Variants in FRMD5 observed in about 807,000 individuals in gnomAD.
The protein encoded by FRMD5 is FERM domain-containing protein 5.
FRMD5 carries 20 observed loss-of-function variants against 69.0 expected under a neutral mutation model. That is an observed-to-expected ratio of 0.29 (90% CI 0.20 to 0.42). FRMD5 has a LOEUF of 0.42. Ranked by LOEUF, FRMD5 falls within the 10% of genes least tolerant of loss-of-function variation. The pLI, the probability that FRMD5 is intolerant of heterozygous loss-of-function variation, is 1.00. For missense variants in FRMD5, 595 were observed against 708.6 expected (o/e 0.84, Z 1.82); for synonymous variants, 271 against 260.1 (o/e 1.04, Z -0.40).
At chr15:43,913,217 G>T (rs974025114) in intron 4 of FRMD5, among the ~76,000 whole-genome samples, 2 of 152,170 alleles carry the variant, frequency 1.3e-5, no homozygotes, top group African/African-American at 2.4e-5. Flanking sequence ...TCCACTGCTG[G>T]GCAGGGTTCC....
chr15:44,122,576 A>T (rs2076968827), intron 1 of FRMD5, among the ~76,000 whole-genome samples: 1 of 151,678 alleles, frequency 6.6e-6, no homozygotes, highest in South Asian at 2.1e-4. Context: ...CTCAAACAAA[A>T]CAAAACAAAA....
At position 44,195,246 on chromosome 15, in the gene FRMD5, C is replaced by A. The variant is rs952019329; in HGVS notation, c.-192G>T. Reference sequence around the variant, plus strand: ...TTCCCTCAGCCGCCACCGCCTCCCCCCAGCCCAGATCAAGCGCCGGGCTCT... The same window carrying A: ...TTCCCTCAGCCGCCACCGCCTCCCCACAGCCCAGATCAAGCGCCGGGCTCT... On this transcript the variant is annotated 5_prime_UTR_variant, in exon 1 of 14. Transcript: ENST00000417257. The A allele has an allele frequency of 1.3e-5, 7 of 538,598 alleles. No homozygotes were observed. Among genetic ancestry groups the A allele is most frequent in the African/African-American group, 2.0e-5 (1 of 49,050 alleles). The allele number at this position is 538,598 out of a possible 1,614,324, so 33.4% of individuals were successfully genotyped here.
At chr15:44,055,400 G>A (rs1411107075) in intron 1 of FRMD5, among the ~76,000 whole-genome samples, 6 of 151,964 alleles carry the variant, frequency 3.9e-5, no homozygotes, top group African/African-American at 1.5e-4. Context: ...ATGTTTTTAC[G>A]ACAAAAGCAA....
intron 1 of FRMD5, among the ~76,000 whole-genome samples, chr15:44,062,145 A>C (rs1287861591): frequency 6.6e-6 from 1 of 152,220 alleles, no homozygotes; most frequent in Admixed American, 6.5e-5. Context: ...TTCCTGATGT[A>C]AATAAAGACT....
chr15:44,038,929 T>A (rs903616729), intron 1 of FRMD5, among the ~76,000 whole-genome samples: 2 of 152,126 alleles, frequency 1.3e-5, no homozygotes, highest in Non-Finnish European at 2.9e-5. Context: ...CAAGCTAAGA[T>A]CCACTGGCTT....
intron 1 of FRMD5, among the ~76,000 whole-genome samples, chr15:44,042,646 T>A (rs1892251305): frequency 6.6e-6 from 1 of 152,218 alleles, no homozygotes; most frequent in Non-Finnish European, 1.5e-5. Flanking sequence ...ATAAACGTAA[T>A]CCATCACATA....
At chr15:44,081,590 T>C (rs1893998084) in intron 1 of FRMD5, among the ~76,000 whole-genome samples, 1 of 152,080 alleles carries the variant, frequency 6.6e-6, no homozygotes, top group African/African-American at 2.4e-5. Context: ...TGAGATCCTA[T>C]GGGATTCTTT....
intron 1 of FRMD5, among the ~76,000 whole-genome samples, chr15:44,184,905 G>A (rs2078073315): frequency 2.6e-5 from 4 of 152,140 alleles, no homozygotes; most frequent in Non-Finnish European, 2.9e-5. Flanking sequence ...CAGCAAGATA[G>A]TATATCATTA....
intron 1 of FRMD5, chr15:44,063,392 A>G (rs771229919): frequency 1.1e-5 from 2 of 182,266 alleles, no homozygotes; most frequent in Non-Finnish European, 2.3e-5. Flanking sequence ...AAAACAGTCT[A>G]AAGTCCACCA....
Position 44,095,053 on chromosome 15 carries a change from T to C in FRMD5, c.102+99900A>G, listed in dbSNP as rs2076531394. Among the ~76,000 whole-genome samples, 3 of 151,774 alleles carry C rather than the reference T, an allele frequency of 2.0e-5. 1 individual carries two copies. In the South Asian group the frequency reaches 6.2e-4, roughly 32 times the overall value. On this transcript the variant is annotated intron_variant, in intron 1 of 13. Coordinates refer to ENST00000417257, the MANE Select transcript of FRMD5 (RefSeq NM_032892.5). ...ATTAATATAATCTAGCAGCAGAGTA[T>C]TTCTCAAAATTACCCAAGCATAAGA...
chr15:44,099,302 A>G lies in FRMD5; in HGVS notation c.102+95651T>C, dbSNP rs575088314. 2.6e-5 allele frequency among the ~76,000 whole-genome samples: 4 copies of G among 152,288 alleles called. No individual in the cohort carries two copies. In the South Asian group the frequency reaches 8.3e-4, roughly 32 times the overall value. On this transcript the variant is annotated intron_variant, in intron 1 of 13. Transcript: ENST00000417257. The stretch of plus-strand genomic sequence containing the variant: ...GTTAAAATACAGATTCTGATTCAGT[A>G]GGTCTAGAGTGGGGCCTGAGATTAT...
intron 1 of FRMD5, among the ~76,000 whole-genome samples, chr15:43,942,494 A>G (rs1479096493): frequency 6.6e-6 from 1 of 152,202 alleles, no homozygotes; most frequent in African/African-American, 2.4e-5. Flanking sequence ...GCTTTAGAAA[A>G]CAGATTTTGT....
chr15:44,100,892 T>C (rs1013140027), intron 1 of FRMD5, among the ~76,000 whole-genome samples: 3 of 152,152 alleles, frequency 2.0e-5, no homozygotes, highest in African/African-American at 7.2e-5. Flanking sequence ...GGCTCACGCC[T>C]GTAATCCCAG....
At chr15:43,994,313 A>G (rs1482206505) in intron 1 of FRMD5, among the ~76,000 whole-genome samples, 1 of 152,154 alleles carries the variant, frequency 6.6e-6, no homozygotes, top group African/African-American at 2.4e-5. Flanking sequence ...GCCATTTTAA[A>G]CTGGTAACAA....
intron 1 of FRMD5, among the ~76,000 whole-genome samples, chr15:43,952,000 C>CTG (rs367759637): frequency 0.034 from 4,205 of 123,710 alleles, 55 homozygotes; most frequent in African/African-American, 0.05. Context: ...GTGTGTGTGT[C>CTG]TGTGTGTGTG....
chr15:44,157,591 T>C (rs996519031), intron 1 of FRMD5, among the ~76,000 whole-genome samples: 16 of 152,214 alleles, frequency 1.1e-4, no homozygotes, highest in Non-Finnish European at 1.8e-4. Flanking sequence ...AATTTCTAAA[T>C]GTGTTGTGTG....
At chr15:44,092,700 A>G (rs1177490048) in intron 1 of FRMD5, among the ~76,000 whole-genome samples, 1 of 152,018 alleles carries the variant, frequency 6.6e-6, no homozygotes. Context: ...GAATTTTGCT[A>G]CAACCATGCT....
rs545423988 is a variant in FRMD5 at position 43,912,739 on chromosome 15, C to T, written c.330-2760G>A. Among the ~76,000 whole-genome samples the T allele has an allele frequency of 5.3e-5, 8 of 151,452 alleles. No homozygotes were observed. In the South Asian group the frequency reaches 1.3e-3, roughly 24 times the overall value. On this transcript the variant is annotated intron_variant, in intron 4 of 13. Transcript: ENST00000417257. ...GTGGTTTGAAATGGCCCCTTTGGGCCGGGCGCGGTGGCTCACGCCTGTAAT... is the reference window on the plus strand; with the variant it reads ...GTGGTTTGAAATGGCCCCTTTGGGCTGGGCGCGGTGGCTCACGCCTGTAAT...
chr15:44,195,116 T>C lies in FRMD5; in HGVS notation c.-62A>G. 8.2e-7 allele frequency: 1 copy of C among 1,225,408 alleles called. No homozygotes were observed. Among genetic ancestry groups the C allele is most frequent in the East Asian group, 4.2e-5 (1 of 24,036 alleles). 75.9% of individuals were successfully genotyped at this position (1,225,408 alleles called of 1,614,324 possible). On this transcript the variant is annotated 5_prime_UTR_variant, in exon 1 of 14. An upstream open reading frame in the 5' UTR loses its in-frame stop. Transcript: ENST00000417257. ...CTGCGGACCCTGGACCAGGCGTCCC[T>C]CAGCCCGGCAGCTCCGCACCGACCC...
Sources: allele counts gnomAD v4.1 joint callset (sites outside exome capture counted in the v4.1 genomes callset), GRCh38; gene constraint gnomAD v4.1.1; transcripts MANE v1.5; gene names NCBI Gene and HGNC (gene_info 2026-07-23, HGNC 2026-07-21).